The following PTPRG variants were observed in gnomAD, a reference collection of about 807,000 sequenced individuals.
PTPRG encodes the protein receptor-type tyrosine-protein phosphatase gamma.
Under a neutral mutation model 165.3 loss-of-function variants are expected in PTPRG, and 102 were observed. The observed-to-expected ratio is 0.62, with a 90% CI of 0.53 to 0.73. The LOEUF is 0.73. Ranked by LOEUF, PTPRG falls within the 30% of genes least tolerant of loss-of-function variation. The pLI, the probability that PTPRG is intolerant of heterozygous loss-of-function variation, is 0.00. For synonymous variants in PTPRG, 675 were observed against 669.5 expected (o/e 1.01, Z -0.13); for missense variants, 1,866 against 1,861.4 (o/e 1.00, Z -0.05).
chr3:61,818,096 C>A (rs1316746890), intron 2 of PTPRG, among the ~76,000 whole-genome samples: 2 of 152,130 alleles, frequency 1.3e-5, no homozygotes, highest in African/African-American at 2.4e-5. Flanking sequence ...CCACCATACC[C>A]CCCACCCTAA....
intron 3 of PTPRG, among the ~76,000 whole-genome samples, chr3:62,000,281 C>CAAAAAA (rs5849454): frequency 9.7e-6 from 1 of 102,592 alleles, no homozygotes; most frequent in Non-Finnish European, 2.1e-5. Flanking sequence ...ACTCTGTCTC[C>CAAAAAA]AAAAAAAAAA....
At chr3:62,133,723 GC>G (rs1286526824) in intron 6 of PTPRG, among the ~76,000 whole-genome samples, 1 of 152,186 alleles carries the variant, frequency 6.6e-6, no homozygotes. Flanking sequence ...GGTGGCTTAT[GC>G]CTGTAATCCC....
intron 4 of PTPRG, among the ~76,000 whole-genome samples, chr3:62,020,158 C>G (rs1027604254): frequency 2.6e-5 from 4 of 152,034 alleles, no homozygotes; most frequent in Non-Finnish European, 5.9e-5. Flanking sequence ...TAGTCAATAT[C>G]AAAATGAATA....
intron 2 of PTPRG, among the ~76,000 whole-genome samples, chr3:61,848,224 C>T (rs2036859918): frequency 6.6e-6 from 1 of 152,196 alleles, no homozygotes; most frequent in African/African-American, 2.4e-5. Context: ...AGGTGAAAAC[C>T]TCCCTCCATG....
intron 2 of PTPRG, among the ~76,000 whole-genome samples, chr3:61,956,656 A>C (rs963928330): frequency 6.6e-6 from 1 of 152,232 alleles, no homozygotes; most frequent in African/African-American, 2.4e-5. Flanking sequence ...GAAGCAGGGC[A>C]AATGGGACTA....
intron 28 of PTPRG, among the ~76,000 whole-genome samples, chr3:62,287,001 C>T (rs553643493): frequency 1.9e-4 from 29 of 152,148 alleles, no homozygotes; most frequent in Middle Eastern, 3.4e-3. Flanking sequence ...ATGTTTAAGC[C>T]ATATTGTATA....
intron 2 of PTPRG, among the ~76,000 whole-genome samples, chr3:61,779,138 C>T (rs757488902): frequency 1.1e-4 from 16 of 152,150 alleles, no homozygotes; most frequent in Non-Finnish European, 1.6e-4. Flanking sequence ...CTGAACACTT[C>T]TCATGGTCAG....
intron 2 of PTPRG, among the ~76,000 whole-genome samples, chr3:61,976,360 A>G (rs777722141): frequency 1.3e-5 from 2 of 152,192 alleles, no homozygotes; most frequent in African/African-American, 2.4e-5. Context: ...CAGAAATTGG[A>G]TGACAGTCAG....
At chr3:61,847,234 A>T (rs1242463594) in intron 2 of PTPRG, among the ~76,000 whole-genome samples, 1 of 152,148 alleles carries the variant, frequency 6.6e-6, no homozygotes, top group Non-Finnish European at 1.5e-5. Flanking sequence ...TTGGATGGAG[A>T]TACAAGCACA....
At chr3:61,686,629 G>T (rs546209125) in intron 1 of PTPRG, among the ~76,000 whole-genome samples, 1 of 152,190 alleles carries the variant, frequency 6.6e-6, no homozygotes, top group South Asian at 2.1e-4. Context: ...ATTTTGAAAG[G>T]ATTGGAAATA....
At chr3:62,211,068 A>G (rs988753175) in intron 12 of PTPRG, among the ~76,000 whole-genome samples, 8 of 152,254 alleles carry the variant, frequency 5.3e-5, no homozygotes, top group African/African-American at 1.7e-4. Flanking sequence ...TCATGGCAAC[A>G]TTATTGACAA....
rs759502676 is a variant in PTPRG, at chr3:62,277,713, C to T, written c.3765+34C>T. On this transcript the variant is annotated intron_variant, in intron 26 of 29. Coordinates refer to ENST00000474889, the MANE Select transcript of PTPRG (RefSeq NM_002841.4). Reference sequence around the variant, plus strand: ...AGCACATCTGCTATATATTAATGAGCCCATGAGGCTACAAGCATAAATTAC... The same window carrying T: ...AGCACATCTGCTATATATTAATGAGTCCATGAGGCTACAAGCATAAATTAC... The T allele has an allele frequency of 3.7e-6, 6 of 1,607,990 alleles. No individual in the cohort carries two copies. The South Asian group carries it at 4.4e-5, about 12-fold the overall frequency.
At position 61,838,651 on chromosome 3, in the gene PTPRG, C is replaced by T. The variant is rs545922784; in HGVS notation, c.190+89669C>T. Among the ~76,000 whole-genome samples, 14 of 152,250 alleles carry T rather than the reference C, an allele frequency of 9.2e-5. No individual in the cohort carries two copies. The East Asian group carries it at 2.7e-3, about 29-fold the overall frequency. Reference sequence around the variant, plus strand: ...CCTTTTGAACGAAATACCAGAATGACTTTTTAAAAATAGTTGACTAAGTTT... The same window carrying T: ...CCTTTTGAACGAAATACCAGAATGATTTTTTAAAAATAGTTGACTAAGTTT... On this transcript the variant is annotated intron_variant, in intron 2 of 29. Transcript: ENST00000474889.
At chr3:61,674,180 TAATA>T (rs1422625715) in intron 1 of PTPRG, among the ~76,000 whole-genome samples, 1 of 120,538 alleles carries the variant, frequency 8.3e-6, no homozygotes, top group Non-Finnish European at 1.7e-5. Context: ...AGTATAATAA[TAATA>T]AAAAAAAAAA....
At chr3:61,818,092 T>A (rs1440115302) in intron 2 of PTPRG, among the ~76,000 whole-genome samples, 1 of 152,128 alleles carries the variant, frequency 6.6e-6, no homozygotes, top group African/African-American at 2.4e-5. Flanking sequence ...AGCTCCACCA[T>A]ACCCCCCACC....
intron 1 of PTPRG, among the ~76,000 whole-genome samples, chr3:61,628,034 T>C (rs927618790): frequency 6.6e-6 from 1 of 152,144 alleles, no homozygotes; most frequent in Admixed American, 6.5e-5. Context: ...TTTAGATAAC[T>C]GAGATAAGCC....
At chr3:61,697,023 A>C (rs948266339) in intron 1 of PTPRG, among the ~76,000 whole-genome samples, 1 of 152,230 alleles carries the variant, frequency 6.6e-6, no homozygotes, top group Non-Finnish European at 1.5e-5. Flanking sequence ...ATACTACTCC[A>C]AAATATGGCA....
chr3:62,065,710 C>T (rs1353198795), intron 4 of PTPRG, among the ~76,000 whole-genome samples: 2 of 152,140 alleles, frequency 1.3e-5, no homozygotes, highest in African/African-American at 4.8e-5. Flanking sequence ...TTTGTAAGGA[C>T]CCTCCCAGTG....
chr3:61,659,176 A>T (rs781757867), intron 1 of PTPRG: 5 of 484,870 alleles, frequency 1.0e-5, no homozygotes, highest in Non-Finnish European at 1.3e-5. Context: ...TGGCCTGATG[A>T]ACATCAGACA....
Sources: gnomAD v4.1 joint callset for allele counts (sites outside exome capture counted in the v4.1 genomes callset) on GRCh38, gnomAD v4.1.1 for gene constraint, MANE v1.5 for transcripts, NCBI Gene and HGNC (gene_info 2026-07-23, HGNC 2026-07-21) for gene names.